The following CNTNAP5 variants were observed in gnomAD, a reference collection of about 807,000 sequenced individuals.
The protein encoded by CNTNAP5 is contactin associated protein family member 5.
In CNTNAP5, 72 loss-of-function variants were observed where a neutral mutation model predicts 150.2. The ratio of observed to expected loss-of-function variants is 0.48; its 90% CI spans 0.40 to 0.58. The LOEUF (loss-of-function observed/expected upper bound fraction) is 0.58, where lower values mean the gene tolerates loss of function less well. Among genes scored for constraint, CNTNAP5 ranks in the 20% least tolerant of loss-of-function variants. The pLI, the probability that CNTNAP5 is intolerant of heterozygous loss-of-function variation, is 0.00. For missense variants in CNTNAP5, 1,636 were observed against 1,626.2 expected (o/e 1.01, Z -0.10); for synonymous variants, 672 against 619.8 (o/e 1.08, Z -1.25).
chr2:124,698,955 AT>A (rs1679463195), intron 13 of CNTNAP5, among the ~76,000 whole-genome samples: 1 of 152,190 alleles, frequency 6.6e-6, no homozygotes, highest in South Asian at 2.1e-4. Context: ...GGAATTCTGT[AT>A]GATGATGGAC....
intron 5 of CNTNAP5, among the ~76,000 whole-genome samples, chr2:124,439,649 G>A (rs1692626411): frequency 6.6e-6 from 1 of 152,122 alleles, no homozygotes; most frequent in South Asian, 2.1e-4. Flanking sequence ...TGGATTGAGA[G>A]TCAAGTCCAT....
At chr2:124,553,440 G>A (rs946922321) in intron 10 of CNTNAP5, among the ~76,000 whole-genome samples, 4 of 149,894 alleles carry the variant, frequency 2.7e-5, no homozygotes, top group African/African-American at 9.8e-5. Flanking sequence ...AGAGGTGGAG[G>A]TTGTAGTGAG....
intron 9 of CNTNAP5, among the ~76,000 whole-genome samples, chr2:124,525,734 G>A (rs1007180311): frequency 6.6e-6 from 1 of 152,114 alleles, no homozygotes; most frequent in African/African-American, 2.4e-5. Context: ...TTTAGGGAGG[G>A]AATACACGTC....
chr2:124,176,425 C>T (rs184503633), intron 1 of CNTNAP5, among the ~76,000 whole-genome samples: 15 of 152,244 alleles, frequency 9.9e-5, no homozygotes, highest in Admixed American at 3.3e-4. Context: ...AGGAAGCACT[C>T]AATTGGATAG....
At chr2:124,164,597 T>C (rs892628373) in intron 1 of CNTNAP5, among the ~76,000 whole-genome samples, 2 of 152,146 alleles carry the variant, frequency 1.3e-5, no homozygotes, top group Non-Finnish European at 2.9e-5. Flanking sequence ...GGGAAGTCCA[T>C]GACACTAAAA....
intron 17 of CNTNAP5, among the ~76,000 whole-genome samples, chr2:124,786,394 A>AAGGAAGGAAG (rs1206517333): frequency 3.5e-4 from 22 of 62,080 alleles, no homozygotes; most frequent in South Asian, 6.8e-4. Context: ...AAAGAAAGAA[A>AAGGAAGGAAG]GAAAGAAGGA....
chr2:124,259,151 T>G (rs1156998313), intron 3 of CNTNAP5, among the ~76,000 whole-genome samples: 3 of 152,106 alleles, frequency 2.0e-5, no homozygotes, highest in Non-Finnish European at 4.4e-5. Flanking sequence ...AATGATAGTT[T>G]CCAGCTTCAT....
chr2:124,648,861 A>G (rs1181676451), intron 13 of CNTNAP5, among the ~76,000 whole-genome samples: 1 of 152,200 alleles, frequency 6.6e-6, no homozygotes, highest in Non-Finnish European at 1.5e-5. Context: ...AGCCTCAAGA[A>G]ACTTACATTC....
chr2:124,718,224 A>C (rs1453048469), intron 13 of CNTNAP5, among the ~76,000 whole-genome samples: 1 of 152,208 alleles, frequency 6.6e-6, no homozygotes, highest in East Asian at 1.9e-4. Flanking sequence ...TACAAAGATA[A>C]AGTATTATTA....
intron 21 of CNTNAP5, among the ~76,000 whole-genome samples, chr2:124,882,954 C>T (rs1365032594): frequency 2.6e-5 from 4 of 151,932 alleles, no homozygotes; most frequent in Non-Finnish European, 5.9e-5. Flanking sequence ...GGAGAAACTA[C>T]CTCCATGATT....
intron 3 of CNTNAP5, among the ~76,000 whole-genome samples, chr2:124,248,389 A>G (rs1248938858): frequency 6.6e-6 from 1 of 152,222 alleles, no homozygotes; most frequent in Non-Finnish European, 1.5e-5. Context: ...AGAATAGTCA[A>G]CTAAAGGATC....
At chr2:124,584,396 C>T (rs1030915052) in intron 11 of CNTNAP5, among the ~76,000 whole-genome samples, 1 of 152,104 alleles carries the variant, frequency 6.6e-6, no homozygotes, top group African/African-American at 2.4e-5. Context: ...GGAAGAATTA[C>T]AACGTGATTT....
chr2:124,708,846 G>T (rs186133434), intron 13 of CNTNAP5, among the ~76,000 whole-genome samples: 25 of 152,298 alleles, frequency 1.6e-4, no homozygotes, highest in African/African-American at 6.0e-4. Context: ...ATCAGCAATT[G>T]TTTATGTCCA....
intron 10 of CNTNAP5, 117 bp downstream of exon 10, chr2:124,527,573 T>A: frequency 1.4e-6 from 1 of 740,624 alleles, no homozygotes; most frequent in Non-Finnish European, 2.1e-6. Flanking sequence ...TAGACATAAT[T>A]GAGTTGCCTA....
chr2:124,396,280 G>T (rs1241443147), intron 3 of CNTNAP5, among the ~76,000 whole-genome samples: 2 of 152,158 alleles, frequency 1.3e-5, no homozygotes, highest in African/African-American at 4.8e-5. Flanking sequence ...TATAAACAGG[G>T]CCTGAGTGTT....
At chr2:124,499,420 A>T (rs1488581142) in intron 7 of CNTNAP5, among the ~76,000 whole-genome samples, 1 of 152,240 alleles carries the variant, frequency 6.6e-6, no homozygotes, top group Non-Finnish European at 1.5e-5. Flanking sequence ...GGGCAAGCCC[A>T]GAAGGCTTGC....
intron 3 of CNTNAP5, among the ~76,000 whole-genome samples, chr2:124,342,201 G>C (rs568868255): frequency 6.6e-6 from 1 of 152,202 alleles, no homozygotes; most frequent in African/African-American, 2.4e-5. Flanking sequence ...TAACCATCTA[G>C]GTTCTTCTTA....
chr2:124,896,626 C>T (rs1341360029), intron 21 of CNTNAP5, among the ~76,000 whole-genome samples: 1 of 151,314 alleles, frequency 6.6e-6, no homozygotes. Context: ...GAAACCTCTG[C>T]CTCCTAGGTT....
chr2:124,297,806 A>G (rs1344833405), intron 3 of CNTNAP5, among the ~76,000 whole-genome samples: 3 of 96,056 alleles, frequency 3.1e-5, no homozygotes, highest in Non-Finnish European at 6.5e-5. Flanking sequence ...TCCACATCCA[A>G]TTATTTATTA....
Sources: allele counts gnomAD v4.1 joint callset (sites outside exome capture counted in the v4.1 genomes callset), GRCh38; gene constraint gnomAD v4.1.1; transcripts MANE v1.5; gene names NCBI Gene and HGNC (gene_info 2026-07-23, HGNC 2026-07-21).